Variants in KLHL42 observed in about 807,000 individuals in gnomAD.
KLHL42 encodes the protein kelch-like protein 42.
In KLHL42, 27 loss-of-function variants were observed where a neutral mutation model predicts 32.7. The ratio of observed to expected loss-of-function variants is 0.83; its 90% confidence interval spans 0.61 to 1.14. KLHL42 has a LOEUF of 1.14. Ranked by LOEUF, KLHL42 falls within the 50% of genes most tolerant of loss-of-function variation. The probability of loss-of-function intolerance (pLI) is 0.00; values close to 1 mark genes in which losing one functional copy is unlikely to be tolerated. For synonymous variants in KLHL42, 267 were observed against 248.2 expected, an observed-to-expected ratio of 1.08 and a Z score of -0.71; for missense variants, 491 against 560.8, an observed-to-expected ratio of 0.88 and a Z score of 1.26.
intron 1 of KLHL42, among the ~76,000 whole-genome samples, chr12:27,786,719 G>GTTTTTTTTT (rs11341444): frequency 9.9e-6 from 1 of 101,144 alleles, no homozygotes; most frequent in African/African-American, 3.8e-5. Context: ...GATTGAAAGA[G>GTTTTTTTTT]TTTTTTTTTT....
chr12:27,788,325 C>G (rs753899272), intron 1 of KLHL42: 1 of 152,112 alleles, frequency 6.6e-6, no homozygotes, highest in African/African-American at 2.4e-5. Flanking sequence ...TATTAATGCT[C>G]ACAACATCTC....
chr12:27,800,556 G>T lies in KLHL42; in HGVS notation c.*2390G>T, dbSNP rs999934192. Reference sequence around the variant, plus strand: ...ACATTTTGAGGGTAGTTTTAATTTAGCTCGGTTCTCTTGTTGGTGCCAGTA... The same window carrying T: ...ACATTTTGAGGGTAGTTTTAATTTATCTCGGTTCTCTTGTTGGTGCCAGTA... On this transcript the variant is annotated 3_prime_UTR_variant, in exon 3 of 3. Transcript: ENST00000381271. The T allele has an allele frequency of 4.2e-5, 8 of 190,828 alleles. No homozygotes were observed. The highest frequency in any genetic ancestry group is 6.5e-5 in the Admixed American group (1 of 15,288). The allele number at this position is 190,828 out of a possible 1,614,324, so 11.8% of individuals were successfully genotyped here. A position where few individuals can be genotyped will look rare whatever the true frequency, so the allele number is the denominator to read the frequency against.
At position 27,802,894 on chromosome 12, in the gene KLHL42, CTTCAAT is replaced by C. The variant is rs1224031767; in HGVS notation, c.*4734_*4739del. 6.6e-6 allele frequency: 1 copy of C among 152,192 alleles called. No homozygotes were observed. The highest frequency in any genetic ancestry group is 2.4e-5 in the African/African-American group (1 of 41,416). 9.4% of individuals were successfully genotyped at this position (152,192 alleles called of 1,614,324 possible). ...TCTTTGTTAAAAGGTTGTATTAAGTCTTCAATTTCAAGTCTAGCTTAAAAGTGTAAA... is the reference window on the plus strand; with the variant it reads ...TCTTTGTTAAAAGGTTGTATTAAGTCTTCAAGTCTAGCTTAAAAGTGTAAA... On this transcript the variant is annotated 3_prime_UTR_variant, in exon 3 of 3. Coordinates refer to ENST00000381271, the MANE Select transcript of KLHL42 (RefSeq NM_020782.2).
Position 27,781,098 on chromosome 12 carries a change from CATAGTGGGCGGG to C in KLHL42, c.769_780del (p.Ile257_Gly260del). 6.2e-7 allele frequency: 1 copy of C among 1,614,178 alleles called. No individual in the cohort carries two copies. The highest frequency in any genetic ancestry group is 8.5e-7 in the Non-Finnish European group (1 of 1,180,022). Reference sequence around the variant, plus strand: ...CTGCCATCCTGGACAACTACCTCTTCATAGTGGGCGGGTACAGGATCACTAGCCAGGAGATCT... The same window carrying C: ...CTGCCATCCTGGACAACTACCTCTTCTACAGGATCACTAGCCAGGAGATCT... On this transcript the variant is annotated inframe_deletion, in exon 1 of 3. Coordinates refer to ENST00000381271, the MANE Select transcript of KLHL42 (RefSeq NM_020782.2).
chr12:27,791,927 T>G (rs1329226329), intron 2 of KLHL42, 26 bp downstream of exon 2: 3 of 1,605,308 alleles, frequency 1.9e-6, no homozygotes, highest in Non-Finnish European at 1.7e-6. Flanking sequence ...AGGTAGGTGG[T>G]CTGCCCATGT....
At position 27,798,453 on chromosome 12, in the gene KLHL42, C is replaced by G. The variant is rs1034087574; in HGVS notation, c.*287C>G. On this transcript the variant is annotated 3_prime_UTR_variant, in exon 3 of 3. Coordinates refer to ENST00000381271, the MANE Select transcript of KLHL42 (RefSeq NM_020782.2). ...ATGACGGATCATCAAAATGTAGATTCATTGTGTCTGTGTGGTAAAGGGCCA... is the reference window on the plus strand; with the variant it reads ...ATGACGGATCATCAAAATGTAGATTGATTGTGTCTGTGTGGTAAAGGGCCA... 8.3e-6 allele frequency: 3 copies of G among 363,024 alleles called. No homozygotes were observed. The South Asian group carries it at 1.1e-4, about 13-fold the overall frequency. The allele number at this position is 363,024 out of a possible 1,614,324, so 22.5% of individuals were successfully genotyped here.
chr12:27,781,184 C>T lies in KLHL42; in HGVS notation c.854C>T (p.Ala285Val), dbSNP rs200244285. ...NPSTNEWLQV[A>V]SMNQKRSNFK... The stretch of plus-strand genomic sequence containing the variant: ...AGCACCAACGAGTGGCTCCAGGTGG[C>T]CTCCATGAACCAGAAGAGGTAAGCA... The change falls in exon 1 of 3, where the codon GCC (alanine) becomes GTC (valine). Residue 285 changes from alanine (A) to valine (V), a missense_variant. Transcript: ENST00000381271. 2.0e-4 allele frequency: 324 copies of T among 1,613,674 alleles called. 1 individual carries two copies. Among genetic ancestry groups the T allele is most frequent in the Non-Finnish European group, 1.6e-4 (188 of 1,180,032 alleles).
chr12:27,792,000 G>A lies in KLHL42; in HGVS notation c.1066+99G>A, dbSNP rs11611709. ...AGAGGAAGCCCCGACATATCCGAGTGTCATGTTATGCTTTAATAGTGTACA... is the reference window on the plus strand; with the variant it reads ...AGAGGAAGCCCCGACATATCCGAGTATCATGTTATGCTTTAATAGTGTACA... On this transcript the variant is annotated intron_variant, in intron 2 of 2. Transcript: ENST00000381271. 6.0e-3 allele frequency: 5,635 copies of A among 941,020 alleles called. 26 individuals are homozygous for A. Among genetic ancestry groups the A allele is most frequent in the Non-Finnish European group, 7.6e-3 (4,505 of 594,600 alleles). The allele number at this position is 941,020 out of a possible 1,614,324, so 58.3% of individuals were successfully genotyped here. A position where few individuals can be genotyped will look rare whatever the true frequency, so the allele number is the denominator to read the frequency against.
At chr12:27,787,734 T>G (rs144868595) in intron 1 of KLHL42, 1 of 152,342 alleles carries the variant, frequency 6.6e-6, no homozygotes. Flanking sequence ...AATAAACAAG[T>G]GTCTCCTGGC....
At position 27,780,370 on chromosome 12, in the gene KLHL42, C is replaced by G. The variant is rs985719060; in HGVS notation, c.40C>G (p.Arg14Gly). The G allele has an allele frequency of 7.6e-6, 12 of 1,581,922 alleles. No individual in the cohort carries two copies. Among genetic ancestry groups the G allele is most frequent in the Non-Finnish European group, 8.6e-6 (10 of 1,166,760 alleles). ...GATGGTGCAGATCCGCCTGGAGGACCGCTGCTACCCGGTGAGCAAGAGGAA... is the reference window on the plus strand; with the variant it reads ...GATGGTGCAGATCCGCCTGGAGGACGGCTGCTACCCGGTGAGCAAGAGGAA... The part of the protein sequence containing the change: ...EEMVQIRLED[R>G]CYPVSKRKLI... The change falls in exon 1 of 3, where the codon CGC becomes GGC. Residue 14 changes from arginine to glycine, a missense_variant. This residue lies in a region of KLHL42 where 88 missense variants were observed against 89.0 expected (regional missense o/e 0.99). Transcript: ENST00000381271. The surrounding 1 kb of genome is among the most constrained non-coding windows in gnomAD (Gnocchi z 8.8).
intron 2 of KLHL42, among the ~76,000 whole-genome samples, chr12:27,796,426 T>G (rs186750192): frequency 3.9e-5 from 6 of 152,336 alleles, no homozygotes; most frequent in Admixed American, 3.9e-4. Context: ...ATGGATAGGA[T>G]TTGTTTGTTT....
In KLHL42 at chr12:27,801,249, T is replaced by G. The variant is rs1205552430; in HGVS notation, c.*3083T>G. 6.6e-6 allele frequency: 1 copy of G among 152,392 alleles called. No homozygotes were observed. Among genetic ancestry groups the G allele is most frequent in the East Asian group, 1.9e-4 (1 of 5,188 alleles). 9.4% of individuals were successfully genotyped at this position (152,392 alleles called of 1,614,324 possible). On this transcript the variant is annotated 3_prime_UTR_variant, in exon 3 of 3. Coordinates refer to ENST00000381271, the MANE Select transcript of KLHL42 (RefSeq NM_020782.2). Reference sequence around the variant, plus strand: ...AGATCCTAAGTAATTCCAAATGCCTTAGATATCAATGAAAGCTACACACCA... The same window carrying G: ...AGATCCTAAGTAATTCCAAATGCCTGAGATATCAATGAAAGCTACACACCA...
In KLHL42 at chr12:27,780,580, G is replaced by T; in HGVS notation, c.250G>T (p.Gly84Trp). The change falls in exon 1 of 3, where the codon GGG becomes TGG. Residue 84 changes from glycine (G) to tryptophan (W), a missense_variant. Physicochemically the swap from Gly to Trp is radical, Grantham distance 184. Coordinates refer to ENST00000381271, the MANE Select transcript of KLHL42 (RefSeq NM_020782.2). The surrounding 1 kb of genome is among the most constrained non-coding windows in gnomAD (Gnocchi z 8.8). ...AREGWLLGPR[G>W]EKGGGVDEDE... ...CGAAGGCTGGCTCCTGGGCCCGCGC[G>T]GGGAAAAGGGCGGCGGGGTGGACGA... 6.5e-7 allele frequency: 1 copy of T among 1,538,836 alleles called. No homozygotes were observed. Among genetic ancestry groups the T allele is most frequent in the Non-Finnish European group, 8.7e-7 (1 of 1,146,264 alleles).
Position 27,801,287 on chromosome 12 carries a change from A to G in KLHL42, c.*3121A>G, listed in dbSNP as rs963416825. 10 of 152,406 alleles carry G rather than the reference A, an allele frequency of 6.6e-5. No homozygotes were observed. Among genetic ancestry groups the G allele is most frequent in the African/African-American group, 2.2e-4 (9 of 41,440 alleles). The allele number at this position is 152,406 out of a possible 1,614,324, so 9.4% of individuals were successfully genotyped here. On this transcript the variant is annotated 3_prime_UTR_variant, in exon 3 of 3. Transcript: ENST00000381271. The stretch of plus-strand genomic sequence containing the variant: ...AAGCTACACACCATTGAGATGGGCA[A>G]AATTCTTTCTCTACAAAGGGAGTAA...
At chr12:27,790,374 G>T (rs1472237801) in intron 1 of KLHL42, among the ~76,000 whole-genome samples, 1 of 152,210 alleles carries the variant, frequency 6.6e-6, no homozygotes, top group Non-Finnish European at 1.5e-5. Context: ...TATCAGCAGA[G>T]CTGGGACTAG....
chr12:27,796,359 G>A (rs561329100), intron 2 of KLHL42, among the ~76,000 whole-genome samples: 2 of 152,178 alleles, frequency 1.3e-5, no homozygotes, highest in African/African-American at 4.8e-5. Flanking sequence ...GCCTGCAGCC[G>A]TCAAAATGCT....
rs1184106901 is a variant in KLHL42 at position 27,802,232 on chromosome 12, C to A, written c.*4066C>A. On this transcript the variant is annotated 3_prime_UTR_variant, in exon 3 of 3. Coordinates refer to ENST00000381271, the MANE Select transcript of KLHL42 (RefSeq NM_020782.2). ...TATAATCTTTATTTAAAAATGCTCA[C>A]CAAGCACTGCAGACTTTGGAGTTAG... 1 of 152,120 alleles carries A rather than the reference C, an allele frequency of 6.6e-6. No homozygotes were observed. 9.4% of individuals were successfully genotyped at this position (152,120 alleles called of 1,614,324 possible). A position where few individuals can be genotyped will look rare whatever the true frequency, so the allele number is the denominator to read the frequency against.
intron 1 of KLHL42, chr12:27,788,209 G>A (rs1364813130): frequency 6.6e-6 from 1 of 152,152 alleles, no homozygotes; most frequent in Non-Finnish European, 1.5e-5. Flanking sequence ...TACTCTGATG[G>A]TAAGCAAACT....
rs1169796146 is a variant in KLHL42 at position 27,800,435 on chromosome 12, C to G, written c.*2269C>G. ...CTAAAAAGATTTTGGTTATTCTGGG[C>G]TGCCAGCAGTACGTGGGAAAGGTGG... On this transcript the variant is annotated 3_prime_UTR_variant, in exon 3 of 3. Transcript: ENST00000381271. 1 of 934,226 alleles carries G rather than the reference C, an allele frequency of 1.1e-6. No homozygotes were observed. The highest frequency in any genetic ancestry group is 1.3e-6 in the Non-Finnish European group (1 of 783,706). The allele number at this position is 934,226 out of a possible 1,614,324, so 57.9% of individuals were successfully genotyped here. A position where few individuals can be genotyped will look rare whatever the true frequency, so the allele number is the denominator to read the frequency against.
Sources: gnomAD v4.1 joint callset for allele counts (sites outside exome capture counted in the v4.1 genomes callset) on GRCh38, gnomAD v4.1.1 for gene constraint, gnomAD v4.1.1 regional missense constraint, Gnocchi (gnomAD v3.1) non-coding constraint, MANE v1.5 for transcripts, NCBI Gene and HGNC (gene_info 2026-07-23, HGNC 2026-07-21) for gene names.